Variants in LCORL observed in about 807,000 individuals in gnomAD.
LCORL encodes ligand dependent nuclear receptor corepressor like, also known as ligand-dependent nuclear receptor corepressor-like protein.
A neutral mutation model predicts 141.8 loss-of-function variants in LCORL; 41 were observed. That is an observed-to-expected ratio of 0.29 (90% CI 0.23 to 0.38). The LOEUF (loss-of-function observed/expected upper bound fraction) is 0.38, where lower values mean the gene tolerates loss of function less well. Ranked by LOEUF, LCORL falls within the 10% of genes least tolerant of loss-of-function variation. LCORL has a pLI of 1.00. For missense variants in LCORL, 1,759 were observed against 2,035.0 expected (o/e 0.86, Z 2.61); for synonymous variants, 618 against 694.1 (o/e 0.89, Z 1.72).
chr4:17,984,314 T>C (rs935483419), intron 1 of LCORL, among the ~76,000 whole-genome samples: 7 of 152,142 alleles, frequency 4.6e-5, no homozygotes, highest in Admixed American at 3.9e-4. Context: ...CCTCTTCCTA[T>C]ATTTTTTGGA....
Position 18,021,497 on chromosome 4 carries a change from C to G in LCORL, c.154+101G>C, listed in dbSNP as rs1296520907. ...CCATCTCGCTCCCCCACCGAACTAA[C>G]CCGAACGGGAGATTCAACTAAACCC... is the stretch of plus-strand genomic sequence containing the variant. On this transcript the variant is annotated intron_variant, in intron 1 of 7. Coordinates refer to ENST00000635767, the Ensembl canonical transcript of LCORL. The surrounding 1 kb of genome is among the most constrained non-coding windows in gnomAD (Gnocchi z 5.5). The G allele has an allele frequency of 1.0e-5, 11 of 1,063,964 alleles. No homozygotes were observed. The highest frequency in any genetic ancestry group is 1.7e-5 in the South Asian group (1 of 57,158). 65.9% of individuals were successfully genotyped at this position (1,063,964 alleles called of 1,614,324 possible).
Position 17,880,405 on chromosome 4 carries a change from A to C in LCORL, c.777-2192T>G, listed in dbSNP as rs149028292. The C allele has an allele frequency of 1.7e-5, 15 of 862,984 alleles. No homozygotes were observed. The East Asian group carries it at 1.6e-3, about 91-fold the overall frequency. The allele number at this position is 862,984 out of a possible 1,614,324, so 53.5% of individuals were successfully genotyped here. On this transcript the variant is annotated intron_variant, in intron 6 of 7. Coordinates refer to ENST00000635767, the Ensembl canonical transcript of LCORL. ...TTCTAAAATTGTATTTTTTTTGTAGATCCTTTGCTTTTAAAGTTTTCTAAC... is the reference window on the plus strand; with the variant it reads ...TTCTAAAATTGTATTTTTTTTGTAGCTCCTTTGCTTTTAAAGTTTTCTAAC...
chr4:17,908,145 G>A (rs1037816411), intron 5 of LCORL, among the ~76,000 whole-genome samples: 9 of 151,876 alleles, frequency 5.9e-5, no homozygotes, highest in African/African-American at 1.9e-4. Flanking sequence ...CAACTCTCCC[G>A]CCTCAGCCTC....
intron 6 of LCORL, 92 bp from the exon 7 acceptor site, chr4:17,878,305 G>A: frequency 1.1e-6 from 1 of 879,884 alleles, no homozygotes. Flanking sequence ...AAGATATTTT[G>A]GTATTGCTGG....
chr4:17,891,056 CT>C (rs1728998337), intron 5 of LCORL, among the ~76,000 whole-genome samples: 1 of 152,176 alleles, frequency 6.6e-6, no homozygotes, highest in Non-Finnish European at 1.5e-5. Context: ...TTATATTCGA[CT>C]GATTGCTAGA....
chr4:17,845,705 CAAG>C (rs1722849179), exon 8 of LCORL: 2 of 1,583,142 alleles, frequency 1.3e-6, no homozygotes, highest in Middle Eastern at 1.7e-4. Context: ...AAAGATAGTG[CAAG>C]AAGAACTGCA....
chr4:17,992,467 T>C (rs1338625079), intron 1 of LCORL, among the ~76,000 whole-genome samples: 5 of 152,354 alleles, frequency 3.3e-5, no homozygotes, highest in East Asian at 3.9e-4. Flanking sequence ...ACTGATCTGA[T>C]GGCTACAAAT....
chr4:17,943,454 C>CAAG (rs1276317360), intron 4 of LCORL, among the ~76,000 whole-genome samples: 262 of 152,236 alleles, frequency 1.7e-3, no homozygotes, highest in African/African-American at 6.1e-3. Flanking sequence ...TCTCTCACAC[C>CAAG]TTATACCAAA....
intron 4 of LCORL, among the ~76,000 whole-genome samples, chr4:17,919,953 T>C (rs1025601254): frequency 6.6e-6 from 1 of 152,220 alleles, no homozygotes; most frequent in Non-Finnish European, 1.5e-5. Flanking sequence ...TAGTTGAACA[T>C]GTGAAGTGCC....
chr4:17,962,579 C>CT (rs1714045976), intron 3 of LCORL, among the ~76,000 whole-genome samples: 1 of 151,932 alleles, frequency 6.6e-6, no homozygotes, highest in African/African-American at 2.4e-5. Context: ...AAGTGAAAGG[C>CT]TAAAACAGCA....
At chr4:17,898,950 G>A (rs895909811) in intron 5 of LCORL, among the ~76,000 whole-genome samples, 1 of 152,168 alleles carries the variant, frequency 6.6e-6, no homozygotes, top group Admixed American at 6.5e-5. Context: ...GCATGAAAAT[G>A]TCTGTTGCTT....
intron 2 of LCORL, among the ~76,000 whole-genome samples, chr4:17,967,106 G>C (rs1005300521): frequency 6.6e-6 from 1 of 152,102 alleles, no homozygotes; most frequent in Non-Finnish European, 1.5e-5. Flanking sequence ...GACATGAAAA[G>C]TAATAGAGGA....
chr4:17,874,845 A>G (rs1726745588), exon 7 of LCORL: 1 of 1,233,502 alleles, frequency 8.1e-7, no homozygotes. Context: ...TTTGTAAGCT[A>G]TTTTCATCTT....
intron 7 of LCORL, among the ~76,000 whole-genome samples, chr4:17,869,408 A>T (rs1322410867): frequency 6.6e-6 from 1 of 151,990 alleles, no homozygotes; most frequent in East Asian, 1.9e-4. Context: ...CTCTTTCCCA[A>T]CAACTAAGAT....
At chr4:17,849,882 A>T (rs1265269068) in intron 7 of LCORL, among the ~76,000 whole-genome samples, 2 of 151,942 alleles carry the variant, frequency 1.3e-5, no homozygotes, top group African/African-American at 4.8e-5. Context: ...TTCAAATTAT[A>T]CTGCAAGGCT....
rs904120387 is a variant in LCORL at position 17,861,062 on chromosome 4, T to A, written c.5602+12326A>T. On this transcript the variant is annotated intron_variant, in intron 7 of 7. Transcript: ENST00000635767. ...GTGTATGGTGCAAGCTTTTGGTGGA[T>A]CTACCATTCTGGGGTCTGGAGGACG... Among the ~76,000 whole-genome samples the A allele has an allele frequency of 2.6e-5, 4 of 152,262 alleles. No individual in the cohort carries two copies. In the South Asian group the frequency reaches 8.3e-4, roughly 32 times the overall value.
At chr4:17,938,417 CT>C (rs71651867) in intron 4 of LCORL, among the ~76,000 whole-genome samples, 33,345 of 123,194 alleles carry the variant, frequency 0.27, 4,699 homozygotes, top group African/African-American at 0.47. Flanking sequence ...CTGTTTCTTT[CT>C]TTTTTTTTTT....
exon 8 of LCORL, chr4:17,843,559 C>A: frequency 2.0e-6 from 2 of 985,110 alleles, no homozygotes; most frequent in Non-Finnish European, 3.0e-6. Context: ...TTCCACGTTA[C>A]TTTGGCCTGT....
chr4:17,894,078 C>A (rs752149183), intron 5 of LCORL, among the ~76,000 whole-genome samples: 2 of 152,084 alleles, frequency 1.3e-5, no homozygotes, highest in Non-Finnish European at 2.9e-5. Context: ...GGATTACAGG[C>A]GTGAGCCACC....
Sources: allele counts gnomAD v4.1 joint callset (sites outside exome capture counted in the v4.1 genomes callset), GRCh38; gene constraint gnomAD v4.1.1; non-coding constraint Gnocchi (gnomAD v3.1); transcripts MANE v1.5; gene names NCBI Gene and HGNC (gene_info 2026-07-23, HGNC 2026-07-21).